Variants in COL4A2 observed in about 807,000 individuals in gnomAD.
The protein encoded by COL4A2 is collagen type IV alpha 2 chain, also known as collagen alpha-2(IV) chain.
Under a neutral mutation model 200.2 loss-of-function variants are expected in COL4A2, and 99 were observed. That is an observed-to-expected ratio of 0.49 (90% CI 0.42 to 0.58). The LOEUF (loss-of-function observed/expected upper bound fraction) is 0.58, where lower values mean the gene tolerates loss of function less well. Among genes scored for constraint, COL4A2 ranks in the 20% least tolerant of loss-of-function variants. The pLI, the probability that COL4A2 is intolerant of heterozygous loss-of-function variation, is 0.00. For missense variants in COL4A2, 1,950 were observed against 2,314.1 expected (o/e 0.84, Z 3.23); for synonymous variants, 897 against 900.6 (o/e 1.00, Z 0.07).
At chr13:110,389,865 C>A (rs188967106) in intron 4 of COL4A2, among the ~76,000 whole-genome samples, 68 of 148,350 alleles carry the variant, frequency 4.6e-4, no homozygotes, top group African/African-American at 4.9e-4. Context: ...CTTTCTAAAG[C>A]AAAAAAAAAA....
chr13:110,510,226 G>A (rs1453350418), intron 47 of COL4A2, among the ~76,000 whole-genome samples: 1 of 152,350 alleles, frequency 6.6e-6, no homozygotes, highest in East Asian at 1.9e-4. Context: ...GGTGGCCCCA[G>A]AGGATGCATT....
chr13:110,438,168 G>T, intron 14 of COL4A2, 131 bp downstream of exon 14: 1 of 703,696 alleles, frequency 1.4e-6, no homozygotes, highest in East Asian at 2.6e-5. Context: ...GTCCATAGCA[G>T]AACAGTATTA....
chr13:110,317,179 GAC>G (rs1207547037), intron 3 of COL4A2, among the ~76,000 whole-genome samples: 9 of 143,310 alleles, frequency 6.3e-5, no homozygotes, highest in African/African-American at 1.8e-4. Flanking sequence ...CATGCACATA[GAC>G]ACAGAGATGC....
chr13:110,509,270 T>TATATATATATACACACACAC (rs1435137108), intron 47 of COL4A2, among the ~76,000 whole-genome samples: 18 of 115,578 alleles, frequency 1.6e-4, no homozygotes, highest in African/African-American at 6.3e-4. Context: ...TATATATATA[T>TATATATATATACACACACAC]ACACACACAC....
rs1038441373 is a variant in COL4A2 at position 110,493,156 on chromosome 13, C to T, written c.3563-55C>T. 1.6e-5 allele frequency: 26 copies of T among 1,607,700 alleles called. No homozygotes were observed. The African/African-American group carries it at 2.9e-4, about 18-fold the overall frequency. The stretch of plus-strand genomic sequence containing the variant: ...ACACCCCCGCAGGTGAAATAAATAA[C>T]GATGAGTGACACCCCCGCAGGTGAA... On this transcript the variant is annotated intron_variant, in intron 38 of 47. Transcript: ENST00000360467.
intron 6 of COL4A2, among the ~76,000 whole-genome samples, chr13:110,426,745 G>A (rs144481229): frequency 9.8e-4 from 150 of 152,298 alleles, no homozygotes; most frequent in Non-Finnish European, 1.7e-3. Flanking sequence ...AAGTAAGAAA[G>A]ACCAACGGCA....
At chr13:110,429,611 CAG>C (rs1408353253) in intron 7 of COL4A2, among the ~76,000 whole-genome samples, 1 of 152,114 alleles carries the variant, frequency 6.6e-6, no homozygotes, top group East Asian at 1.9e-4. Context: ...GGTTGGTTGA[CAG>C]AGCATTCATT....
rs571788419 is a variant in COL4A2, at chr13:110,343,901, A to G, written c.100-13571A>G. On this transcript the variant is annotated intron_variant, in intron 3 of 47. Transcript: ENST00000360467. ...TGGAATAAATAGCTTCAAGAGATGGACCCACTTTGTTTATTACCAACAGGG... is the reference window on the plus strand; with the variant it reads ...TGGAATAAATAGCTTCAAGAGATGGGCCCACTTTGTTTATTACCAACAGGG... 1.4e-4 allele frequency among the ~76,000 whole-genome samples: 22 copies of G among 152,282 alleles called. No homozygotes were observed. In the South Asian group the frequency reaches 2.1e-3, roughly 14 times the overall value.
rs1301519267 is a variant in COL4A2 at position 110,307,828 on chromosome 13, T to A, written c.-44-32T>A. The A allele has an allele frequency of 2.6e-6, 4 of 1,526,538 alleles. No homozygotes were observed. In the Admixed American group the frequency reaches 7.6e-5, roughly 29 times the overall value. 94.6% of individuals were successfully genotyped at this position (1,526,538 alleles called of 1,614,324 possible). A position where few individuals can be genotyped will look rare whatever the true frequency, so the allele number is the denominator to read the frequency against. On this transcript the variant is annotated intron_variant, in intron 1 of 47. Coordinates refer to ENST00000360467, the MANE Select transcript of COL4A2 (RefSeq NM_001846.4). The surrounding 1 kb of genome is among the most constrained non-coding windows in gnomAD (Gnocchi z 5.0). ...TGAGGATGGGCTGCCTCCCTCATCC[T>A]GCGCTAAACTCGCTTTGTCTGTCGC...
chr13:110,486,065 G>A (rs1358057556), intron 34 of COL4A2, among the ~76,000 whole-genome samples: 1 of 150,792 alleles, frequency 6.6e-6, no homozygotes. Flanking sequence ...GTGGGCTTGT[G>A]CTGGGTGAAG....
chr13:110,428,699 T>C, intron 7 of COL4A2, 116 bp downstream of exon 7: 1 of 504,932 alleles, frequency 2.0e-6, no homozygotes, highest in Admixed American at 4.0e-5. Context: ...CATAACTGTA[T>C]GTTGACGCCC....
intron 4 of COL4A2, among the ~76,000 whole-genome samples, chr13:110,400,036 T>A (rs535849134): frequency 4.6e-5 from 7 of 152,092 alleles, no homozygotes; most frequent in African/African-American, 1.7e-4. Flanking sequence ...AGACAAATTC[T>A]CCAAAACATA....
At chr13:110,324,778 G>A (rs1885363117) in intron 3 of COL4A2, among the ~76,000 whole-genome samples, 1 of 152,226 alleles carries the variant, frequency 6.6e-6, no homozygotes, top group African/African-American at 2.4e-5. Flanking sequence ...ATAGAAAAAT[G>A]TGTAGGTGGG....
At position 110,438,677 on chromosome 13, in the gene COL4A2, C is replaced by T. The variant is rs7983979; in HGVS notation, c.912+9C>T. 0.044 allele frequency: 71,282 copies of T among 1,614,062 alleles called. 2,647 individuals are homozygous for T. The highest frequency in any genetic ancestry group is 0.18 in the African/African-American group (13,766 of 75,010). On this transcript the variant is annotated intron_variant, in intron 15 of 47. Transcript: ENST00000360467. Reference sequence around the variant, plus strand: ...GCTTTCCTGGACTGAGGGTAAACCACGCCTTTTATAACTGCAGTTGTCGGT... The same window carrying T: ...GCTTTCCTGGACTGAGGGTAAACCATGCCTTTTATAACTGCAGTTGTCGGT...
At chr13:110,365,750 AC>A (rs960126445) in intron 4 of COL4A2, among the ~76,000 whole-genome samples, 1 of 152,140 alleles carries the variant, frequency 6.6e-6, no homozygotes, top group African/African-American at 2.4e-5. Flanking sequence ...TCCTTCTCTT[AC>A]ACCAGTGCCT....
chr13:110,503,029 CTG>C, intron 41 of COL4A2, 90 bp from the exon 42 acceptor site: 2 of 1,191,146 alleles, frequency 1.7e-6, no homozygotes, highest in Non-Finnish European at 2.4e-6. Flanking sequence ...TTGCCAGAGA[CTG>C]TCGCCTGAAT....
At chr13:110,445,956 G>A (rs1291733420) in intron 17 of COL4A2, 74 bp downstream of exon 17, 2 of 1,528,584 alleles carry the variant, frequency 1.3e-6, no homozygotes, top group Non-Finnish European at 1.8e-6. Context: ...CCCTCTTGAT[G>A]GTGTCCTGTG....
At chr13:110,371,313 G>A (rs544308144) in intron 4 of COL4A2, among the ~76,000 whole-genome samples, 1 of 152,302 alleles carries the variant, frequency 6.6e-6, no homozygotes, top group African/African-American at 2.4e-5. Flanking sequence ...ATCTTAAAGT[G>A]TACATGATGT....
At chr13:110,377,127 G>A (rs1193316407) in intron 4 of COL4A2, among the ~76,000 whole-genome samples, 1 of 151,560 alleles carries the variant, frequency 6.6e-6, no homozygotes, top group African/African-American at 2.4e-5. Flanking sequence ...TTATACACCT[G>A]AAAGCTAGGG....
Sources: allele counts gnomAD v4.1 joint callset (sites outside exome capture counted in the v4.1 genomes callset), GRCh38; gene constraint gnomAD v4.1.1; non-coding constraint Gnocchi (gnomAD v3.1); transcripts MANE v1.5; gene names NCBI Gene and HGNC (gene_info 2026-07-23, HGNC 2026-07-21).